TCF7L2: variants seen among roughly 807,000 people sequenced by gnomAD.
TCF7L2 encodes transcription factor 7 like 2, also known as transcription factor 7-like 2.
A neutral mutation model predicts 77.9 loss-of-function variants in TCF7L2; 23 were observed. That is an observed-to-expected ratio of 0.30 (90% CI 0.21 to 0.42). The LOEUF (loss-of-function observed/expected upper bound fraction) is 0.42, where lower values mean the gene tolerates loss of function less well. Ranked by LOEUF, TCF7L2 falls within the 10% of genes least tolerant of loss-of-function variation. The pLI is 1.00. For missense variants in TCF7L2, 654 were observed against 793.1 expected (o/e 0.82, Z 2.11); for synonymous variants, 413 against 340.2 (o/e 1.21, Z -2.36).
intron 5 of TCF7L2, chr10:113,129,948 C>T: frequency 7.0e-6 from 9 of 1,292,596 alleles, no homozygotes; most frequent in Non-Finnish European, 9.1e-6. Flanking sequence ...TCTCTCTGTT[C>T]CAGCAGTTGG....
chr10:113,042,538 G>A lies in TCF7L2; in HGVS notation c.552+2412G>A, dbSNP rs117287107. On this transcript the variant is annotated intron_variant, in intron 5 of 13. Transcript: ENST00000627217. ...AAATACTTGAATGCTTGTCATGAATGGTGACTTTGGTTCTATGAGTCAGCC... is the reference window on the plus strand; with the variant it reads ...AAATACTTGAATGCTTGTCATGAATAGTGACTTTGGTTCTATGAGTCAGCC... Among the ~76,000 whole-genome samples, 402 of 152,254 alleles carry A rather than the reference G, an allele frequency of 2.6e-3. 6 individuals carry two copies. Among genetic ancestry groups the A allele is most frequent in the Admixed American group, 8.9e-3 (136 of 15,298 alleles).
intron 4 of TCF7L2, among the ~76,000 whole-genome samples, chr10:112,966,184 T>TATATATATATATATATATATATA (rs2036754580): frequency 7.0e-5 from 8 of 114,228 alleles, no homozygotes; most frequent in African/African-American, 3.8e-4. Flanking sequence ...TAAAATATAT[T>TATATATATATATATATATATATA]TATATATATA....
At chr10:113,157,871 G>T in intron 11 of TCF7L2, 150 bp from the exon 12 acceptor site, 1 of 741,870 alleles carries the variant, frequency 1.3e-6, no homozygotes, top group Non-Finnish European at 2.3e-6. Flanking sequence ...GCTTGAAGCG[G>T]GGTTGGAGGT....
At chr10:113,000,918 C>T (rs114619279) in intron 4 of TCF7L2, among the ~76,000 whole-genome samples, 3,085 of 152,312 alleles carry the variant, frequency 0.02, 117 homozygotes, top group African/African-American at 0.07. Context: ...CCCCACCCTT[C>T]ACTTCCCGGC....
intron 5 of TCF7L2, among the ~76,000 whole-genome samples, chr10:113,097,380 C>T (rs761606229): frequency 2.6e-4 from 39 of 152,224 alleles, no homozygotes; most frequent in Non-Finnish European, 4.4e-4. Flanking sequence ...AGGCCGGGCA[C>T]GGTGGCTCAC....
intron 4 of TCF7L2, among the ~76,000 whole-genome samples, chr10:113,035,457 T>C (rs547253224): frequency 6.6e-6 from 1 of 152,360 alleles, no homozygotes; most frequent in Non-Finnish European, 1.5e-5. Context: ...TTATCATTAT[T>C]ATTAATATTT....
chr10:112,970,175 T>C (rs1383057146), intron 4 of TCF7L2, among the ~76,000 whole-genome samples: 1 of 151,982 alleles, frequency 6.6e-6, no homozygotes, highest in Non-Finnish European at 1.5e-5. Flanking sequence ...TTTGTGTGTG[T>C]GTGTGTGTGT....
At chr10:113,035,691 C>T (rs186226348) in intron 4 of TCF7L2, among the ~76,000 whole-genome samples, 1 of 152,210 alleles carries the variant, frequency 6.6e-6, no homozygotes, top group Admixed American at 6.5e-5. Context: ...GCCGCTGCAT[C>T]CAGCACTTTT....
At chr10:113,058,692 A>C (rs1031537339) in intron 5 of TCF7L2, among the ~76,000 whole-genome samples, 11 of 151,390 alleles carry the variant, frequency 7.3e-5, no homozygotes, top group Non-Finnish European at 1.6e-4. Flanking sequence ...TTGGGTCGTG[A>C]GCTGTGTGTG....
rs561760460 is a variant in TCF7L2, at chr10:113,021,643, A to C, written c.451-18382A>C. Among the ~76,000 whole-genome samples, 91 of 152,360 alleles carry C rather than the reference A, an allele frequency of 6.0e-4. 1 individual carries two copies. In the South Asian group the frequency reaches 0.019, roughly 32 times the overall value. On this transcript the variant is annotated intron_variant, in intron 4 of 13. Coordinates refer to ENST00000627217, the MANE Select transcript of TCF7L2 (RefSeq NM_001146274.2). ...TTCAGAGAGGTTAAGTAACCCCCCC[A>C]GGGTCTCTCAGGAAGTAGTTGGTGG...
intron 5 of TCF7L2, among the ~76,000 whole-genome samples, chr10:113,068,429 G>C (rs188201696): frequency 2.0e-5 from 3 of 152,310 alleles, no homozygotes; most frequent in Non-Finnish European, 4.4e-5. Flanking sequence ...GATGCTGGGA[G>C]AGGGATGGGA....
chr10:113,108,221 C>A (rs2062656880), intron 5 of TCF7L2, among the ~76,000 whole-genome samples: 1 of 152,160 alleles, frequency 6.6e-6, no homozygotes, highest in Non-Finnish European at 1.5e-5. Flanking sequence ...TGTGGACCCC[C>A]CCACCCCACC....
intron 5 of TCF7L2, among the ~76,000 whole-genome samples, chr10:113,094,948 G>C (rs748478521): frequency 1.3e-5 from 2 of 152,194 alleles, no homozygotes; most frequent in South Asian, 4.2e-4. Flanking sequence ...GCAAAACACT[G>C]TCTCTACTAA....
At chr10:113,125,413 A>G (rs762802510) in intron 5 of TCF7L2, 1 of 151,560 alleles carries the variant, frequency 6.6e-6, no homozygotes, top group South Asian at 2.1e-4. Context: ...AATGATCTCT[A>G]CTTCATTAAA....
chr10:113,095,746 C>A (rs2060890236), intron 5 of TCF7L2, among the ~76,000 whole-genome samples: 1 of 152,140 alleles, frequency 6.6e-6, no homozygotes, highest in Admixed American at 6.5e-5. Context: ...GCAGGAAGCC[C>A]AGGCACTCTC....
intron 4 of TCF7L2, among the ~76,000 whole-genome samples, chr10:113,010,486 C>A (rs139606647): frequency 6.6e-6 from 1 of 152,162 alleles, no homozygotes; most frequent in Admixed American, 6.5e-5. Context: ...GTGCCGAACA[C>A]CCATGAAGCA....
At chr10:113,033,772 T>G (rs1371258630) in intron 4 of TCF7L2, among the ~76,000 whole-genome samples, 1 of 152,226 alleles carries the variant, frequency 6.6e-6, no homozygotes, top group African/African-American at 2.4e-5. Context: ...GAGTATGTTT[T>G]TACTTAGAGC....
At chr10:113,072,841 A>G (rs1181119259) in intron 5 of TCF7L2, among the ~76,000 whole-genome samples, 2 of 152,110 alleles carry the variant, frequency 1.3e-5, no homozygotes, top group Non-Finnish European at 1.5e-5. Context: ...GCCTTTTGGG[A>G]AGAAATGAAA....
chr10:113,123,693 G>A (rs143138442), intron 5 of TCF7L2, among the ~76,000 whole-genome samples: 52 of 152,190 alleles, frequency 3.4e-4, no homozygotes, highest in African/African-American at 1.2e-3. Flanking sequence ...TCATATCTAG[G>A]CAATAATAAT....
Sources: allele counts gnomAD v4.1 joint callset (sites outside exome capture counted in the v4.1 genomes callset), GRCh38; gene constraint gnomAD v4.1.1; transcripts MANE v1.5; gene names NCBI Gene and HGNC (gene_info 2026-07-23, HGNC 2026-07-21).